PLCH1: variants seen among roughly 807,000 people sequenced by gnomAD.
The protein encoded by PLCH1 is 1-phosphatidylinositol 4,5-bisphosphate phosphodiesterase eta-1.
In PLCH1, 60 loss-of-function variants were observed where a neutral mutation model predicts 126.7. The ratio of observed to expected loss-of-function variants is 0.47; its 90% confidence interval spans 0.38 to 0.59. The LOEUF is 0.59. PLCH1 is among the 20% of genes least tolerant of loss of function. The probability of loss-of-function intolerance (pLI) is 0.00; values close to 1 mark genes in which losing one functional copy is unlikely to be tolerated. For missense variants in PLCH1, 1,723 were observed against 2,040.0 expected, an observed-to-expected ratio of 0.84 and a Z score of 2.99; for synonymous variants, 719 against 734.9, an observed-to-expected ratio of 0.98 and a Z score of 0.35.
At chr3:155,690,953 GC>G (rs1377133874) in intron 2 of PLCH1, among the ~76,000 whole-genome samples, 1 of 152,056 alleles carries the variant, frequency 6.6e-6, no homozygotes, top group East Asian at 1.9e-4. Flanking sequence ...CCAACTCTTA[GC>G]CCTCACCCCT....
rs751636088 is a variant in PLCH1, at chr3:155,482,869, G to A, written c.3157C>T (p.Pro1053Ser). Residue 1053 changes from proline to serine, a missense_variant, in exon 23 of 23, where the codon CCT becomes TCT. Pro to Ser is a moderately conservative substitution (Grantham distance 74). Transcript: ENST00000460012. ...TTTGATGTGGTTCTCCCACCCCTAG[G>A]ACTTGACATGCCCAGCTGTTCTCCT... ...VTGEQLGMSS[P>S]RGGRTTSNAT... is the part of the protein sequence containing the mutation. 2.4e-5 allele frequency: 39 copies of A among 1,614,014 alleles called. 2 individuals carry two copies. In the South Asian group the frequency reaches 4.0e-4, roughly 16 times the overall value.
chr3:155,459,630 C>T (rs1005449891), intron 21 of PLCH1, among the ~76,000 whole-genome samples: 7 of 152,134 alleles, frequency 4.6e-5, no homozygotes, highest in African/African-American at 1.7e-4. Context: ...CTGAATCCCC[C>T]AGCTGTTTAT....
chr3:155,558,061 T>C (rs571908541), intron 8 of PLCH1, among the ~76,000 whole-genome samples: 100 of 152,372 alleles, frequency 6.6e-4, no homozygotes, highest in African/African-American at 2.3e-3. Flanking sequence ...CTTATTGCTC[T>C]TCCTCAAGAC....
At chr3:155,615,633 G>A (rs147918533) in intron 2 of PLCH1, among the ~76,000 whole-genome samples, 5 of 152,294 alleles carry the variant, frequency 3.3e-5, no homozygotes, top group African/African-American at 1.2e-4. Context: ...GAATGGAGCT[G>A]GAGACCATTA....
intron 10 of PLCH1, among the ~76,000 whole-genome samples, chr3:155,537,138 TAGG>T (rs1723455011): frequency 1.5e-5 from 2 of 130,522 alleles, no homozygotes; most frequent in Non-Finnish European, 3.2e-5. Flanking sequence ...TTTCAGATCA[TAGG>T]CAACAAAAAT....
Position 155,454,608 on chromosome 3 carries a change from T to C in PLCH1, c.2938+30748A>G, listed in dbSNP as rs556251665. ...GGACAGTTTCAAATTTGACCATTTA[T>C]GGTAAGGTGTATTGAGGCAGATTTT... On this transcript the variant is annotated intron_variant, in intron 21 of 21. Transcript: ENST00000494598. Among the ~76,000 whole-genome samples the C allele has an allele frequency of 2.6e-5, 4 of 152,330 alleles. No homozygotes were observed. The East Asian group carries it at 7.7e-4, about 29-fold the overall frequency.
chr3:155,671,910 G>A (rs1024238102), intron 2 of PLCH1, among the ~76,000 whole-genome samples: 5 of 152,122 alleles, frequency 3.3e-5, no homozygotes, highest in East Asian at 3.8e-4. Context: ...GGAAAGAGGC[G>A]AAGAAGGCTG....
At chr3:155,696,112 C>A (rs1371172662) in intron 2 of PLCH1, among the ~76,000 whole-genome samples, 1 of 152,134 alleles carries the variant, frequency 6.6e-6, no homozygotes, top group South Asian at 2.1e-4. Flanking sequence ...GGAACTGAAG[C>A]CGTGGGAGTA....
intron 6 of PLCH1, among the ~76,000 whole-genome samples, chr3:155,569,161 TA>T (rs1010850404): frequency 6.6e-6 from 1 of 152,148 alleles, no homozygotes; most frequent in Non-Finnish European, 1.5e-5. Context: ...TCTTCAGAAA[TA>T]ATTTCTTTAA....
At chr3:155,458,448 AGGAAGGAAAG>A (rs1712543235) in intron 21 of PLCH1, among the ~76,000 whole-genome samples, 1 of 68,468 alleles carries the variant, frequency 1.5e-5, no homozygotes, top group Non-Finnish European at 2.7e-5. Context: ...GAAGGAAGGA[AGGAAGGAAAG>A]AAAGAAAGAA....
In PLCH1 at chr3:155,595,777, T is replaced by G. The variant is rs78755101; in HGVS notation, c.226+455A>C. Among the ~76,000 whole-genome samples the G allele has an allele frequency of 8.1e-3, 1,233 of 152,284 alleles. 8 individuals carry two copies. The highest frequency in any genetic ancestry group is 0.014 in the Non-Finnish European group (956 of 68,020). On this transcript the variant is annotated intron_variant, in intron 3 of 22. Coordinates refer to ENST00000460012, the MANE Select transcript of PLCH1 (RefSeq NM_014996.4). ...CTCTAGGGAAAGCTGACTAATATAG[T>G]GTGAGGGAAAGAAGCTTTAAGTAGG... is the stretch of plus-strand genomic sequence containing the variant.
chr3:155,487,193 G>A (rs1446724399), intron 21 of PLCH1: 1 of 152,142 alleles, frequency 6.6e-6, no homozygotes, highest in African/African-American at 2.4e-5. Flanking sequence ...ACATTTCTGA[G>A]CATTTACTGC....
In PLCH1 at chr3:155,741,684, C is replaced by CTTTTATTTTTTTTTTATTTTTT; in HGVS notation, c.-41+3155_-41+3156insAAAAAATAAAAAAAAAATAAAA. Among the ~76,000 whole-genome samples, 441 of 102,778 alleles carry CTTTTATTTTTTTTTTATTTTTT rather than the reference C, an allele frequency of 4.3e-3. 1 individual carries two copies. The highest frequency in any genetic ancestry group is 6.6e-3 in the Non-Finnish European group (378 of 57,168). 67.4% of individuals were successfully genotyped at this position (102,778 alleles called of 152,430 possible). ...TCCTTTTATCATAATTTTATATCCT[C>CTTTTATTTTTTTTTTATTTTTT]TTTTTTTTTTTTTTTTTTTTGTTCA... On this transcript the variant is annotated intron_variant, in intron 1 of 22. Transcript: ENST00000460012.
chr3:155,620,097 A>C (rs1736273518), intron 2 of PLCH1, among the ~76,000 whole-genome samples: 1 of 152,226 alleles, frequency 6.6e-6, no homozygotes, highest in African/African-American at 2.4e-5. Context: ...ACAGATTTCA[A>C]AATCGTTTTT....
In PLCH1 at chr3:155,629,388, T is replaced by C. The variant is rs560270825; in HGVS notation, c.80-33010A>G. ...ACACAGATAACTCCAAATGTAAATC[T>C]CAAGCCCCATCCTTTGCCTTCAGTT... On this transcript the variant is annotated intron_variant, in intron 2 of 22. Coordinates refer to ENST00000460012, the MANE Select transcript of PLCH1 (RefSeq NM_014996.4). Among the ~76,000 whole-genome samples, 15 of 152,308 alleles carry C rather than the reference T, an allele frequency of 9.8e-5. 1 individual carries two copies. The South Asian group carries it at 3.1e-3, about 32-fold the overall frequency.
chr3:155,714,950 C>T (rs1446911018), intron 1 of PLCH1, among the ~76,000 whole-genome samples: 1 of 152,166 alleles, frequency 6.6e-6, no homozygotes, highest in African/African-American at 2.4e-5. Flanking sequence ...GCTAGTAAAA[C>T]CAGTTGAGCC....
chr3:155,679,065 A>T (rs1744306102), intron 2 of PLCH1, among the ~76,000 whole-genome samples: 1 of 152,174 alleles, frequency 6.6e-6, no homozygotes. Context: ...AAGATGGAGA[A>T]AGATGTAAGC....
At chr3:155,467,883 T>TAATGAGA in intron 21 of PLCH1, among the ~76,000 whole-genome samples, 1 of 152,238 alleles carries the variant, frequency 6.6e-6, no homozygotes, top group South Asian at 2.1e-4. Context: ...AAAAGGACAT[T>TAATGAGA]AATGAGAAAT....
chr3:155,493,912 A>G (rs1168770058), intron 17 of PLCH1, among the ~76,000 whole-genome samples: 1 of 152,180 alleles, frequency 6.6e-6, no homozygotes, highest in Non-Finnish European at 1.5e-5. Context: ...TCTTTCACAC[A>G]CGACCTCTCA....
Sources: gnomAD v4.1 joint callset for allele counts (sites outside exome capture counted in the v4.1 genomes callset) on GRCh38, gnomAD v4.1.1 for gene constraint, MANE v1.5 for transcripts, NCBI Gene and HGNC (gene_info 2026-07-23, HGNC 2026-07-21) for gene names.